The following JAML variants were observed in gnomAD, a reference collection of about 807,000 sequenced individuals.
The protein encoded by JAML is junction adhesion molecule like, also known as junctional adhesion molecule-like.
Under a neutral mutation model 39.3 loss-of-function variants are expected in JAML, and 25 were observed. The ratio of observed to expected loss-of-function variants is 0.64; its 90% CI spans 0.46 to 0.89. The LOEUF is 0.89. Among genes scored for constraint, JAML ranks in the 40% least tolerant of loss-of-function variants. The probability of loss-of-function intolerance (pLI) is 0.00; values close to 1 mark genes in which losing one functional copy is unlikely to be tolerated. For synonymous variants in JAML, 162 were observed against 179.2 expected (o/e 0.90, Z 0.77); for missense variants, 440 against 486.9 (o/e 0.90, Z 0.91).
chr11:118,200,455 G>A lies in JAML; in HGVS notation c.911+19C>T, dbSNP rs746296790. On this transcript the variant is annotated intron_variant, in intron 7 of 9. Coordinates refer to ENST00000356289, the MANE Select transcript of JAML (RefSeq NM_001098526.2). ...GCACCCCCAGCCTCCCAATCCAAGG[G>A]GTGGGGGTAGCCCTGTACCTCTTAT... The A allele has an allele frequency of 1.6e-5, 26 of 1,613,382 alleles. No individual in the cohort carries two copies. The Admixed American group carries it at 3.5e-4, about 22-fold the overall frequency.
chr11:118,196,786 C>T lies in JAML; in HGVS notation c.1041G>A (p.Val347=). Residue 347 remains valine, a synonymous_variant, in exon 9 of 10, where the codon GTG becomes GTA. Coordinates refer to ENST00000356289, the MANE Select transcript of JAML (RefSeq NM_001098526.2). ...HIYSPIIVRE[V]IEEEEPSEKS... is the part of the protein sequence containing the mutation. Reference sequence around the variant, plus strand: ...TTTCACTTGGTTCTTCTTCCTCGATCACCTCCCGTACAATTATTGGGGAGT... The same window carrying T: ...TTTCACTTGGTTCTTCTTCCTCGATTACCTCCCGTACAATTATTGGGGAGT... The T allele has an allele frequency of 6.2e-7, 1 of 1,612,870 alleles. No individual in the cohort carries two copies. The highest frequency in any genetic ancestry group is 8.5e-7 in the Non-Finnish European group (1 of 1,178,896).
At chr11:118,194,516 C>G in intron 9 of JAML, 99 bp from the exon 10 acceptor site, 1 of 922,768 alleles carries the variant, frequency 1.1e-6, no homozygotes, top group Non-Finnish European at 1.7e-6. Flanking sequence ...TGAGCCCGGC[C>G]CAGTACTGAA....
chr11:118,203,405 C>T, intron 6 of JAML, 23 bp downstream of exon 6: 5 of 1,605,456 alleles, frequency 3.1e-6, no homozygotes, highest in South Asian at 1.1e-5. Flanking sequence ...TCCCTCAATG[C>T]TCCCCAGCCA....
At chr11:118,195,075 C>T (rs1948624652) in intron 9 of JAML, among the ~76,000 whole-genome samples, 1 of 152,144 alleles carries the variant, frequency 6.6e-6, no homozygotes, top group South Asian at 2.1e-4. Flanking sequence ...GACAATTGTT[C>T]CTCCTGCATC....
intron 4 of JAML, 72 bp downstream of exon 4, chr11:118,210,415 A>C: frequency 6.8e-7 from 1 of 1,460,664 alleles, no homozygotes; most frequent in East Asian, 2.3e-5. Context: ...TACTCAAGAT[A>C]ATCAGTTTCC....
chr11:118,220,122 C>T (rs549944144), intron 1 of JAML, among the ~76,000 whole-genome samples: 7 of 152,348 alleles, frequency 4.6e-5, no homozygotes, highest in Admixed American at 4.6e-4. Context: ...AGACCCACCT[C>T]TTTCTCACTC....
chr11:118,217,443 A>G (rs1949158694), intron 1 of JAML, among the ~76,000 whole-genome samples: 1 of 152,204 alleles, frequency 6.6e-6, no homozygotes, highest in Admixed American at 6.5e-5. Flanking sequence ...AGTCCTACAT[A>G]CTCGGATGCA....
chr11:118,196,421 C>A (rs773432702), intron 9 of JAML, among the ~76,000 whole-genome samples: 8 of 152,184 alleles, frequency 5.3e-5, no homozygotes. Context: ...AGCCACCACA[C>A]CCGGCCGTGT....
chr11:118,195,753 C>T (rs1427172578), intron 9 of JAML, among the ~76,000 whole-genome samples: 1 of 152,130 alleles, frequency 6.6e-6, no homozygotes, highest in Non-Finnish European at 1.5e-5. Flanking sequence ...CCTACTTTGA[C>T]CTTTTGATAG....
chr11:118,219,057 A>G (rs996612423), intron 1 of JAML, among the ~76,000 whole-genome samples: 2 of 151,266 alleles, frequency 1.3e-5, no homozygotes, highest in African/African-American at 4.9e-5. Context: ...GGTTATAACT[A>G]TCAGGATCTT....
At chr11:118,196,842 A>C in intron 8 of JAML, 21 bp from the exon 9 acceptor site, 1 of 1,562,298 alleles carries the variant, frequency 6.4e-7, no homozygotes. Context: ...AAAATGGTAC[A>C]AAAATTCCTA....
In JAML at chr11:118,222,924, G is replaced by A. The variant is rs556666365; in HGVS notation, c.-21+2017C>T. ...AGCCTGGCCAACATGGCAAAACCCC[G>A]TCTCTACTAAAAATACAAAAATTAA... On this transcript the variant is annotated intron_variant, in intron 1 of 9. Transcript: ENST00000356289. The surrounding 1 kb of genome is among the most constrained non-coding windows in gnomAD (Gnocchi z 4.2). Among the ~76,000 whole-genome samples, 1 of 151,900 alleles carries A rather than the reference G, an allele frequency of 6.6e-6. No homozygotes were observed. Among genetic ancestry groups the A allele is most frequent in the Non-Finnish European group, 1.5e-5 (1 of 67,968 alleles).
intron 1 of JAML, chr11:118,224,236 G>A (rs1949238299): frequency 6.6e-6 from 1 of 152,236 alleles, no homozygotes; most frequent in African/African-American, 2.4e-5. Flanking sequence ...TGGGACCCTG[G>A]AGGTCCTTAC....
chr11:118,213,038 G>A (rs1201026863), intron 2 of JAML: 5 of 1,601,776 alleles, frequency 3.1e-6, no homozygotes, highest in Middle Eastern at 1.7e-4. Context: ...GCATTTGCTG[G>A]CTGATTCTGG....
intron 7 of JAML, among the ~76,000 whole-genome samples, chr11:118,199,451 G>T (rs1473112465): frequency 1.3e-5 from 2 of 152,040 alleles, no homozygotes; most frequent in African/African-American, 4.8e-5. Flanking sequence ...AAGACCCACT[G>T]GGAAAGAACA....
At chr11:118,209,392 C>G (rs754882284) in intron 4 of JAML, among the ~76,000 whole-genome samples, 7 of 152,218 alleles carry the variant, frequency 4.6e-5, no homozygotes, top group Admixed American at 1.3e-4. Context: ...ACCCCTGCCC[C>G]GCTCTTACCC....
chr11:118,200,270 GAAT>G, intron 7 of JAML, among the ~76,000 whole-genome samples: 1 of 152,202 alleles, frequency 6.6e-6, no homozygotes, highest in South Asian at 2.1e-4. Flanking sequence ...ATAACAAAGT[GAAT>G]GAGGAGAGCG....
chr11:118,194,231 A>G lies in JAML; in HGVS notation c.*94T>C. On this transcript the variant is annotated 3_prime_UTR_variant, in exon 10 of 10. Transcript: ENST00000356289. The stretch of plus-strand genomic sequence containing the variant: ...ACAATGAGACAGGAGGACAGCTGGG[A>G]GAGCGGGAGTCTGAAATCACTGGTA... The G allele has an allele frequency of 9.3e-7, 1 of 1,072,920 alleles. No homozygotes were observed. Among genetic ancestry groups the G allele is most frequent in the Non-Finnish European group, 1.4e-6 (1 of 695,026 alleles). The allele number at this position is 1,072,920 out of a possible 1,614,324, so 66.5% of individuals were successfully genotyped here.
chr11:118,202,447 G>A (rs1948823145), intron 6 of JAML: 1 of 157,304 alleles, frequency 6.4e-6, no homozygotes, highest in Non-Finnish European at 1.4e-5. Context: ...GAGCCATGTT[G>A]TAAGGTTCCT....
Sources: gnomAD v4.1 joint callset for allele counts (sites outside exome capture counted in the v4.1 genomes callset) on GRCh38, gnomAD v4.1.1 for gene constraint, Gnocchi (gnomAD v3.1) non-coding constraint, MANE v1.5 for transcripts, NCBI Gene and HGNC (gene_info 2026-07-23, HGNC 2026-07-21) for gene names.